The following PCDHA5 variants were observed in gnomAD, a reference collection of about 807,000 sequenced individuals.
The protein encoded by PCDHA5 is protocadherin alpha-5.
Under a neutral mutation model 61.6 loss-of-function variants are expected in PCDHA5, and 43 were observed. The observed-to-expected ratio is 0.70, with a 90% CI of 0.55 to 0.90. The LOEUF is 0.90. Ranked by LOEUF, PCDHA5 falls within the 40% of genes least tolerant of loss-of-function variation. The pLI, the probability that PCDHA5 is intolerant of heterozygous loss-of-function variation, is 0.00. For synonymous variants in PCDHA5, 627 were observed against 543.9 expected (o/e 1.15, Z -2.13); for missense variants, 1,298 against 1,222.7 (o/e 1.06, Z -0.92).
Position 140,929,116 on chromosome 5 carries a change from A to G in PCDHA5, c.2353-49833A>G, listed in dbSNP as rs535394812. The G allele has an allele frequency of 2.9e-5, 47 of 1,614,170 alleles. No homozygotes were observed. The East Asian group carries it at 8.9e-4, about 31-fold the overall frequency. Reference sequence around the variant, plus strand: ...AAATCCTTGCATGACATCAGCCACCATAGATGTCACTACAGTTGAGAGACT... The same window carrying G: ...AAATCCTTGCATGACATCAGCCACCGTAGATGTCACTACAGTTGAGAGACT... On this transcript the variant is annotated intron_variant, in intron 1 of 3. Coordinates refer to ENST00000529859, the MANE Select transcript of PCDHA5 (RefSeq NM_018908.3).
At chr5:140,876,154 A>T (rs781957040) in intron 1 of PCDHA5, 4 of 1,613,972 alleles carry the variant, frequency 2.5e-6, no homozygotes, top group Non-Finnish European at 2.5e-6. Context: ...GTCTGTCCAG[A>T]TTCAAATAAC....
chr5:140,987,004 A>G (rs2097221558), intron 3 of PCDHA5, among the ~76,000 whole-genome samples: 2 of 152,242 alleles, frequency 1.3e-5, no homozygotes, highest in Non-Finnish European at 2.9e-5. Flanking sequence ...ACTTGAGGTC[A>G]TGAGTTCGAG....
chr5:140,863,128 C>A, intron 1 of PCDHA5: 1 of 598,142 alleles, frequency 1.7e-6, no homozygotes, highest in South Asian at 1.4e-5. Flanking sequence ...TACGCGCCAC[C>A]GCCTGCTGGT....
intron 1 of PCDHA5, among the ~76,000 whole-genome samples, chr5:140,943,257 CAAAAAAAAAAA>C (rs1238620023): frequency 1.3e-5 from 1 of 77,574 alleles, no homozygotes. Flanking sequence ...GACTCTGTCT[CAAAAAAAAAAA>C]AAAAAAAAAG....
In PCDHA5 at chr5:140,830,061, C is replaced by T. The variant is rs2150180450; in HGVS notation, c.2352+5934C>T. On this transcript the variant is annotated intron_variant, in intron 1 of 3. Coordinates refer to ENST00000529859, the MANE Select transcript of PCDHA5 (RefSeq NM_018908.3). ...GTGCTGGTGAAAGACCACGGTGAGCCGGCGCTGACAGCGACGGCCACGGTT... is the reference window on the plus strand; with the variant it reads ...GTGCTGGTGAAAGACCACGGTGAGCTGGCGCTGACAGCGACGGCCACGGTT... The T allele has an allele frequency of 3.7e-6, 6 of 1,613,604 alleles. No individual in the cohort carries two copies. In the African/African-American group the frequency reaches 5.3e-5, roughly 14 times the overall value.
chr5:140,828,570 C>T, intron 1 of PCDHA5: 2 of 1,614,214 alleles, frequency 1.2e-6, no homozygotes, highest in Non-Finnish European at 1.7e-6. Flanking sequence ...GCGTCCGATG[C>T]AGATGTTGGC....
At chr5:140,863,655 G>T in intron 1 of PCDHA5, 1 of 295,936 alleles carries the variant, frequency 3.4e-6, no homozygotes, top group Non-Finnish European at 6.6e-6. Context: ...TAATTTGATT[G>T]CTTTATTTAT....
chr5:140,939,956 A>G (rs2092504641), intron 1 of PCDHA5, among the ~76,000 whole-genome samples: 1 of 152,234 alleles, frequency 6.6e-6, no homozygotes, highest in Non-Finnish European at 1.5e-5. Context: ...AAATTATGTT[A>G]AAGTGTTCCA....
At chr5:140,828,665 A>C (rs2150157760) in intron 1 of PCDHA5, 1 of 1,614,220 alleles carries the variant, frequency 6.2e-7, no homozygotes, top group Admixed American at 1.7e-5. Context: ...CAATAAACAA[A>C]TTGGGCTCTT....
At chr5:140,967,790 C>T in intron 1 of PCDHA5, 1 of 1,614,188 alleles carries the variant, frequency 6.2e-7, no homozygotes, top group Non-Finnish European at 8.5e-7. Flanking sequence ...TGACCGGGGT[C>T]CAGTGCCCAT....
At chr5:141,005,113 G>A (rs2098197843) in intron 3 of PCDHA5, among the ~76,000 whole-genome samples, 1 of 152,184 alleles carries the variant, frequency 6.6e-6, no homozygotes, top group South Asian at 2.1e-4. Flanking sequence ...ATTGTCTTTA[G>A]GGACCCCAAA....
At chr5:140,998,199 C>A (rs1472137266) in intron 3 of PCDHA5, among the ~76,000 whole-genome samples, 2 of 152,172 alleles carry the variant, frequency 1.3e-5, no homozygotes, top group Non-Finnish European at 2.9e-5. Flanking sequence ...GTATTAACTC[C>A]TTTAATCTGT....
chr5:140,836,655 G>T (rs1774657436), intron 1 of PCDHA5: 1 of 1,613,354 alleles, frequency 6.2e-7, no homozygotes, highest in African/African-American at 1.3e-5. Context: ...GCGGCAGAGG[G>T]TGTGCTCTGG....
At chr5:140,871,279 C>G in intron 1 of PCDHA5, 2 of 1,613,946 alleles carry the variant, frequency 1.2e-6, no homozygotes, top group Non-Finnish European at 1.7e-6. Flanking sequence ...GTCGGCAACG[C>G]CCACTGAGGG....
chr5:140,920,374 G>T (rs1427300257), intron 1 of PCDHA5, among the ~76,000 whole-genome samples: 1 of 151,964 alleles, frequency 6.6e-6, no homozygotes, highest in East Asian at 1.9e-4. Flanking sequence ...TATTCTTGTG[G>T]ATTCATATTA....
rs149448038 is a variant in PCDHA5 at position 140,843,600 on chromosome 5, C to T, written c.2352+19473C>T. On this transcript the variant is annotated intron_variant, in intron 1 of 3. Coordinates refer to ENST00000529859, the MANE Select transcript of PCDHA5 (RefSeq NM_018908.3). Reference sequence around the variant, plus strand: ...CAACAACAGCCGCAGAGGGTGTGCTCTGGTGAGGGGCCACCGAAGACGGAC... The same window carrying T: ...CAACAACAGCCGCAGAGGGTGTGCTTTGGTGAGGGGCCACCGAAGACGGAC... The T allele has an allele frequency of 1.0e-4, 165 of 1,596,060 alleles. 9 individuals are homozygous for T. The African/African-American group carries it at 2.0e-3, about 20-fold the overall frequency.
chr5:140,996,410 G>A (rs1195533511), intron 3 of PCDHA5, among the ~76,000 whole-genome samples: 2 of 152,222 alleles, frequency 1.3e-5, no homozygotes, highest in African/African-American at 2.4e-5. Flanking sequence ...GGTGGGGCAG[G>A]CAGTGTGAAA....
intron 1 of PCDHA5, among the ~76,000 whole-genome samples, chr5:140,827,152 T>C (rs1769202163): frequency 6.6e-6 from 1 of 152,170 alleles, no homozygotes; most frequent in Non-Finnish European, 1.5e-5. Context: ...GATGCAGATA[T>C]GGATTTGTAA....
At chr5:140,977,634 T>A (rs187884163) in intron 1 of PCDHA5, among the ~76,000 whole-genome samples, 83 of 152,298 alleles carry the variant, frequency 5.4e-4, no homozygotes, top group African/African-American at 1.9e-3. Context: ...TTGTAACTTT[T>A]TCTGGGCCTT....
Sources: allele counts gnomAD v4.1 joint callset (sites outside exome capture counted in the v4.1 genomes callset), GRCh38; gene constraint gnomAD v4.1.1; transcripts MANE v1.5; gene names NCBI Gene and HGNC (gene_info 2026-07-23, HGNC 2026-07-21).